Variants in NEDD9 observed in about 807,000 individuals in gnomAD.
The protein encoded by NEDD9 is enhancer of filamentation 1.
A neutral mutation model predicts 76.6 loss-of-function variants in NEDD9; 26 were observed. The ratio of observed to expected loss-of-function variants is 0.34; its 90% confidence interval spans 0.25 to 0.47. The LOEUF is 0.47. Among genes scored for constraint, NEDD9 ranks in the 20% least tolerant of loss-of-function variants. The pLI, the probability that NEDD9 is intolerant of heterozygous loss-of-function variation, is 1.00. For missense variants in NEDD9, 937 were observed against 1,058.5 expected, an observed-to-expected ratio of 0.89 and a Z score of 1.59; for synonymous variants, 392 against 414.2, an observed-to-expected ratio of 0.95 and a Z score of 0.65.
chr6:11,183,656 T>TC lies in NEDD9; in HGVS notation c.*1505_*1506insG, dbSNP rs398109840. On this transcript the variant is annotated 3_prime_UTR_variant, in exon 7 of 7. Coordinates refer to ENST00000379446, the MANE Select transcript of NEDD9 (RefSeq NM_006403.4). ...TCATTTATTTCCACTGATTTTTTTTTAATCACTCTGAGATCATGCATTCTT... is the reference window on the plus strand; with the variant it reads ...TCATTTATTTCCACTGATTTTTTTTTCAATCACTCTGAGATCATGCATTCTT... The TC allele has an allele frequency of 5.9e-5, 9 of 152,210 alleles. No homozygotes were observed. In the East Asian group the frequency reaches 1.7e-3, roughly 29 times the overall value. 9.4% of individuals were successfully genotyped at this position (152,210 alleles called of 1,614,324 possible). A position where few individuals can be genotyped will look rare whatever the true frequency, so the allele number is the denominator to read the frequency against.
At chr6:11,365,502 T>G (rs750035188) in intron 1 of NEDD9, among the ~76,000 whole-genome samples, 3 of 152,222 alleles carry the variant, frequency 2.0e-5, no homozygotes, top group Admixed American at 2.0e-4. Flanking sequence ...AAGCTTCTTA[T>G]GTATAGTAAG....
chr6:11,213,171 C>A lies in NEDD9; in HGVS notation c.459+110G>T. ...GCCTGAGCTAAGGTATTGGTTATAT[C>A]TACTTCTTGGCAGCTTCAAGTTATT... On this transcript the variant is annotated intron_variant, in intron 2 of 6. Transcript: ENST00000379446. The surrounding 1 kb of genome is among the most constrained non-coding windows in gnomAD (Gnocchi z 5.4). 9.8e-7 allele frequency: 1 copy of A among 1,018,862 alleles called. No individual in the cohort carries two copies. The highest frequency in any genetic ancestry group is 1.4e-6 in the Non-Finnish European group (1 of 702,854). 63.1% of individuals were successfully genotyped at this position (1,018,862 alleles called of 1,614,324 possible).
chr6:11,275,565 C>CACACACACACACATATATATAT (rs551632582), intron 3 of NEDD9, among the ~76,000 whole-genome samples: 71 of 150,280 alleles, frequency 4.7e-4, no homozygotes, highest in African/African-American at 1.5e-3. Context: ...CACACACACA[C>CACACACACACACATATATATAT]ATATATATAT....
intron 3 of NEDD9, among the ~76,000 whole-genome samples, chr6:11,260,773 G>C (rs1404750368): frequency 1.3e-5 from 2 of 152,168 alleles, no homozygotes; most frequent in Non-Finnish European, 2.9e-5. Flanking sequence ...CACAGAAATA[G>C]TCACACACTA....
intron 1 of NEDD9, among the ~76,000 whole-genome samples, chr6:11,340,931 A>G (rs544189802): frequency 6.6e-5 from 10 of 152,190 alleles, no homozygotes; most frequent in African/African-American, 2.4e-4. Context: ...TGCCTCTCTG[A>G]CCTACTGTCC....
chr6:11,375,766 G>T (rs984021980), intron 1 of NEDD9, among the ~76,000 whole-genome samples: 6 of 152,190 alleles, frequency 3.9e-5, no homozygotes, highest in African/African-American at 1.4e-4. Flanking sequence ...CGAAGCAGAT[G>T]CCAGCACCAT....
chr6:11,292,029 G>T (rs1208352608), intron 3 of NEDD9, among the ~76,000 whole-genome samples: 4 of 152,096 alleles, frequency 2.6e-5, no homozygotes, highest in Non-Finnish European at 4.4e-5. Flanking sequence ...ATAGTGATTA[G>T]GTCTGGGTGG....
rs764902394 is a variant in NEDD9 at position 11,188,179 on chromosome 6, T to C, written c.1995+39A>G. 1.4e-5 allele frequency: 21 copies of C among 1,499,114 alleles called. No homozygotes were observed. The East Asian group carries it at 4.7e-4, about 34-fold the overall frequency. The allele number at this position is 1,499,114 out of a possible 1,614,324, so 92.9% of individuals were successfully genotyped here. On this transcript the variant is annotated intron_variant, in intron 6 of 6. Coordinates refer to ENST00000379446, the MANE Select transcript of NEDD9 (RefSeq NM_006403.4). ...TTTCCTTAGTGCTAGGTGGGAAATC[T>C]TTCCAATGCCAAGCAGTTTTTGCTC...
intron 2 of NEDD9, among the ~76,000 whole-genome samples, chr6:11,197,786 C>A (rs568735704): frequency 6.6e-6 from 1 of 152,300 alleles, no homozygotes; most frequent in Non-Finnish European, 1.5e-5. Context: ...ATCCTGGCGG[C>A]ATGAGTTTCT....
rs1468259218 is a variant in NEDD9 at position 11,198,351 on chromosome 6, C to T, written c.460-4659G>A. ...CCCCAGGCTCTGCACCAACTCCCTC[C>T]CTCGGCGAGAACTGAGCTGTCCATT... On this transcript the variant is annotated intron_variant, in intron 2 of 6. Coordinates refer to ENST00000379446, the MANE Select transcript of NEDD9 (RefSeq NM_006403.4). The surrounding 1 kb of genome is among the most constrained non-coding windows in gnomAD (Gnocchi z 4.7). The T allele has an allele frequency of 1.3e-5, 2 of 152,232 alleles. No homozygotes were observed. The highest frequency in any genetic ancestry group is 2.9e-5 in the Non-Finnish European group (2 of 68,080). The allele number at this position is 152,232 out of a possible 1,614,324, so 9.4% of individuals were successfully genotyped here.
Position 11,370,252 on chromosome 6 carries a change from C to T in NEDD9, c.-214+11887G>A, listed in dbSNP as rs1762838660. Among the ~76,000 whole-genome samples, 1 of 152,170 alleles carries T rather than the reference C, an allele frequency of 6.6e-6. No individual in the cohort carries two copies. The highest frequency in any genetic ancestry group is 2.1e-4 in the South Asian group (1 of 4,828). ...TGCACCGAAGCTCTGCTGACGTTTT[C>T]CTATGCTGAAGCAAGAAGTGAGGAA... is the stretch of plus-strand genomic sequence containing the variant. On this transcript the variant is annotated intron_variant, in intron 1 of 3. Transcript: ENST00000397378. This position sits in a 1 kb window ranked among gnomAD's most constrained non-coding sequence, Gnocchi z 4.2.
At chr6:11,225,937 GA>G (rs1759297051) in intron 1 of NEDD9, among the ~76,000 whole-genome samples, 1 of 151,324 alleles carries the variant, frequency 6.6e-6, no homozygotes, top group Non-Finnish European at 1.5e-5. Context: ...CGTCAACCAT[GA>G]AAAACTGCTG....
chr6:11,235,133 T>G (rs1759572784), upstream of NEDD9, among the ~76,000 whole-genome samples: 2 of 152,340 alleles, frequency 1.3e-5, no homozygotes, highest in African/African-American at 4.8e-5. The surrounding 1 kb of genome is among the most constrained non-coding windows in gnomAD (Gnocchi z 4.1). Context: ...CTTGTTACAT[T>G]GTAAGACCTT....
intron 3 of NEDD9, among the ~76,000 whole-genome samples, chr6:11,302,702 TG>T (rs1490373761): frequency 1.1e-4 from 16 of 152,324 alleles, no homozygotes; most frequent in Admixed American, 1.0e-3. Flanking sequence ...GATGCAAGGC[TG>T]GTTCAACATA....
chr6:11,230,551 C>T, intron 1 of NEDD9, among the ~76,000 whole-genome samples: 1 of 152,126 alleles, frequency 6.6e-6, no homozygotes, highest in Non-Finnish European at 1.5e-5. Flanking sequence ...ATAACAAAAT[C>T]CTTTCCTGAA....
At chr6:11,352,859 A>G (rs1403840398) in intron 1 of NEDD9, 1 of 152,244 alleles carries the variant, frequency 6.6e-6, no homozygotes, top group African/African-American at 2.4e-5. Context: ...TCATTATTTA[A>G]TCAGAGCCTC....
chr6:11,367,769 A>C (rs1030002548), intron 1 of NEDD9, among the ~76,000 whole-genome samples: 1 of 152,266 alleles, frequency 6.6e-6, no homozygotes, highest in East Asian at 1.9e-4. Context: ...AATCATTGAC[A>C]GCAGGATTCC....
At chr6:11,267,300 A>G (rs1760217905) in intron 3 of NEDD9, among the ~76,000 whole-genome samples, 1 of 152,126 alleles carries the variant, frequency 6.6e-6, no homozygotes. Flanking sequence ...GTGAAGGACA[A>G]ATGGCTCTTG....
intron 3 of NEDD9, among the ~76,000 whole-genome samples, chr6:11,273,531 G>A (rs1018000711): frequency 6.6e-6 from 1 of 152,222 alleles, no homozygotes; most frequent in African/African-American, 2.4e-5. Flanking sequence ...CTATCTGTGT[G>A]CGTTCACCTG....
Sources: gnomAD v4.1 joint callset for allele counts (sites outside exome capture counted in the v4.1 genomes callset) on GRCh38, gnomAD v4.1.1 for gene constraint, Gnocchi (gnomAD v3.1) non-coding constraint, MANE v1.5 for transcripts, NCBI Gene and HGNC (gene_info 2026-07-23, HGNC 2026-07-21) for gene names.